PDE9A: variants seen among roughly 807,000 people sequenced by gnomAD.
PDE9A encodes the protein phosphodiesterase 9A, also known as high affinity cGMP-specific 3',5'-cyclic phosphodiesterase 9A.
Under a neutral mutation model 87.4 loss-of-function variants are expected in PDE9A, and 60 were observed. The ratio of observed to expected loss-of-function variants is 0.69; its 90% CI spans 0.56 to 0.85. The LOEUF (loss-of-function observed/expected upper bound fraction) is 0.85, where lower values mean the gene tolerates loss of function less well. Among genes scored for constraint, PDE9A ranks in the 40% least tolerant of loss-of-function variants. The pLI, the probability that PDE9A is intolerant of heterozygous loss-of-function variation, is 0.00. For synonymous variants in PDE9A, 272 were observed against 279.4 expected (o/e 0.97, Z 0.27); for missense variants, 665 against 779.0 (o/e 0.85, Z 1.74).
intron 1 of PDE9A, 58 bp from the exon 2 acceptor site, chr21:42,686,134 A>G: frequency 7.6e-7 from 1 of 1,312,150 alleles, no homozygotes. Context: ...GTGGCGTCTG[A>G]CGTCTCCAGG....
Position 42,762,245 on chromosome 21 carries a change from T to TG in PDE9A, c.1242+10dup, listed in dbSNP as rs757978013. 2.5e-4 allele frequency: 409 copies of TG among 1,613,264 alleles called. 1 individual carries two copies. In the African/African-American group the frequency reaches 4.8e-3, roughly 19 times the overall value. On this transcript the variant is annotated splice_region_variant and intron_variant, in intron 14 of 19. Transcript: ENST00000291539. ...GGTTCAAGCAGATCCGACAGGTGTG[T>TG]GGGGTGAGGGCCCTCCCACCGGAGT...
Position 42,726,459 on chromosome 21 carries a change from A to C in PDE9A, c.263-5311A>C, listed in dbSNP as rs143182233. On this transcript the variant is annotated intron_variant, in intron 4 of 19. Coordinates refer to ENST00000291539, the MANE Select transcript of PDE9A (RefSeq NM_002606.3). ...GTTTCATGTTTTACATCTGTGGTCCACTTTGCATTGATTTTTATATAAACT... is the reference window on the plus strand; with the variant it reads ...GTTTCATGTTTTACATCTGTGGTCCCCTTTGCATTGATTTTTATATAAACT... 4.1e-3 allele frequency among the ~76,000 whole-genome samples: 622 copies of C among 151,160 alleles called. 2 individuals are homozygous for C. The highest frequency in any genetic ancestry group is 0.014 in the African/African-American group (591 of 41,076).
intron 1 of PDE9A, among the ~76,000 whole-genome samples, chr21:42,671,293 G>GTGTTT (rs1039025641): frequency 6.6e-6 from 1 of 152,212 alleles, no homozygotes; most frequent in African/African-American, 2.4e-5. Context: ...TAACAGGGAA[G>GTGTTT]TGTTTTGTTT....
At chr21:42,684,914 G>GAA (rs34043873) in intron 1 of PDE9A, among the ~76,000 whole-genome samples, 53,181 of 145,788 alleles carry the variant, frequency 0.36, 10,510 homozygotes, top group African/African-American at 0.55. Flanking sequence ...GTTAGTCACA[G>GAA]AAAAAAAAAA....
At chr21:42,754,905 A>G (rs1248276355) in intron 10 of PDE9A, among the ~76,000 whole-genome samples, 1 of 152,168 alleles carries the variant, frequency 6.6e-6, no homozygotes, top group Non-Finnish European at 1.5e-5. Flanking sequence ...AGTCTCAGGT[A>G]TGTCTTTATT....
rs149050207 is a variant in PDE9A at position 42,761,306 on chromosome 21, T to C, written c.1085+399T>C. Among the ~76,000 whole-genome samples the C allele has an allele frequency of 1.8e-4, 28 of 152,304 alleles. 1 individual carries two copies. The East Asian group carries it at 5.4e-3, about 29-fold the overall frequency. ...TCCCTGGGCAGGCTCCCAGCTGGCTTCCGCAGGGAAAGCACAGGCAGGAGC... is the reference window on the plus strand; with the variant it reads ...TCCCTGGGCAGGCTCCCAGCTGGCTCCCGCAGGGAAAGCACAGGCAGGAGC... On this transcript the variant is annotated intron_variant, in intron 13 of 19. Coordinates refer to ENST00000291539, the MANE Select transcript of PDE9A (RefSeq NM_002606.3).
In PDE9A at chr21:42,760,810, T is replaced by C. The variant is rs910774277; in HGVS notation, c.1003-15T>C. 6.8e-6 allele frequency: 10 copies of C among 1,474,418 alleles called. No homozygotes were observed. The Admixed American group carries it at 1.0e-4, about 15-fold the overall frequency. 91.3% of individuals were successfully genotyped at this position (1,474,418 alleles called of 1,614,324 possible). Reference sequence around the variant, plus strand: ...GTGAAGAGAGCAAACACCTACGCCCTGTTTTCCAATCCAGGAGAAGTTCTC... The same window carrying C: ...GTGAAGAGAGCAAACACCTACGCCCCGTTTTCCAATCCAGGAGAAGTTCTC... On this transcript the variant is annotated splice_polypyrimidine_tract_variant and intron_variant, in intron 12 of 19. Coordinates refer to ENST00000291539, the MANE Select transcript of PDE9A (RefSeq NM_002606.3). The surrounding 1 kb of genome is among the most constrained non-coding windows in gnomAD (Gnocchi z 5.2).
At chr21:42,730,655 T>G (rs1162777102) in intron 4 of PDE9A, among the ~76,000 whole-genome samples, 1 of 152,236 alleles carries the variant, frequency 6.6e-6, no homozygotes, top group Admixed American at 6.5e-5. Context: ...TTTTGTACTT[T>G]AACAACAGAC....
intron 1 of PDE9A, among the ~76,000 whole-genome samples, chr21:42,672,779 CT>C (rs1385226448): frequency 6.6e-6 from 1 of 152,242 alleles, no homozygotes; most frequent in African/African-American, 2.4e-5. Context: ...TGGCCTCCAG[CT>C]TCTGTCGCAC....
intron 6 of PDE9A, among the ~76,000 whole-genome samples, 166 bp from the exon 7 acceptor site, chr21:42,733,190 T>C (rs1410715081): frequency 6.6e-6 from 1 of 152,190 alleles, no homozygotes; most frequent in East Asian, 1.9e-4. Context: ...ACATGATGAT[T>C]TCTGAAAAGC....
At chr21:42,769,195 A>G in intron 17 of PDE9A, 40 bp downstream of exon 17, 1 of 1,594,608 alleles carries the variant, frequency 6.3e-7, no homozygotes, top group South Asian at 1.1e-5. Context: ...GCTTACACTC[A>G]GATACATGCA....
chr21:42,659,852 C>G lies in PDE9A; in HGVS notation c.69+5969C>G, dbSNP rs888599182. 1.3e-5 allele frequency among the ~76,000 whole-genome samples: 2 copies of G among 152,220 alleles called. No homozygotes were observed. The highest frequency in any genetic ancestry group is 2.9e-5 in the Non-Finnish European group (2 of 68,044). On this transcript the variant is annotated intron_variant, in intron 1 of 19. Transcript: ENST00000291539. The surrounding 1 kb of genome is among the most constrained non-coding windows in gnomAD (Gnocchi z 4.1). ...TCAGAAATGGGCAAAAGACAGCTCT[C>G]GTTGTCAGCGAGGTAAATCTAGCGC...
chr21:42,672,607 C>T (rs2058623453), intron 1 of PDE9A, among the ~76,000 whole-genome samples: 1 of 152,286 alleles, frequency 6.6e-6, no homozygotes. Context: ...GAGGAACCCA[C>T]CTGGGGCCTG....
intron 1 of PDE9A, among the ~76,000 whole-genome samples, chr21:42,676,478 A>C (rs1222428672): frequency 2.0e-5 from 3 of 152,128 alleles, no homozygotes; most frequent in Non-Finnish European, 4.4e-5. Context: ...TCTGTTCTCT[A>C]TCTCTTCAAT....
intron 1 of PDE9A, among the ~76,000 whole-genome samples, chr21:42,655,800 C>T (rs959250775): frequency 3.3e-5 from 5 of 152,154 alleles, no homozygotes; most frequent in East Asian, 1.9e-4. Flanking sequence ...AGGCGCCAGA[C>T]GGGTCTCCAA....
chr21:42,751,684 G>GTTGCCGGTCACCCGTCTCGAT (rs2054440600), intron 9 of PDE9A, among the ~76,000 whole-genome samples: 1 of 151,206 alleles, frequency 6.6e-6, no homozygotes, highest in Non-Finnish European at 1.5e-5. Context: ...AGGGTCTCGA[G>GTTGCCGGTCACCCGTCTCGAT]TTGCCGGTCA....
intron 1 of PDE9A, among the ~76,000 whole-genome samples, chr21:42,679,308 G>A (rs2059024557): frequency 6.6e-6 from 1 of 152,162 alleles, no homozygotes. Flanking sequence ...TCGGAACCCT[G>A]AGCTGCCTCA....
chr21:42,701,514 A>G, intron 4 of PDE9A, among the ~76,000 whole-genome samples: 1 of 151,554 alleles, frequency 6.6e-6, no homozygotes, highest in South Asian at 2.1e-4. Flanking sequence ...ATAGCTCACG[A>G]CAGCCTTGAC....
intron 1 of PDE9A, among the ~76,000 whole-genome samples, chr21:42,663,011 A>T (rs1228935782): frequency 6.7e-6 from 1 of 148,288 alleles, no homozygotes; most frequent in Admixed American, 6.7e-5. Flanking sequence ...CACGCACACC[A>T]CACACACGCA....
Sources: allele counts gnomAD v4.1 joint callset (sites outside exome capture counted in the v4.1 genomes callset), GRCh38; gene constraint gnomAD v4.1.1; non-coding constraint Gnocchi (gnomAD v3.1); transcripts MANE v1.5; gene names NCBI Gene and HGNC (gene_info 2026-07-23, HGNC 2026-07-21).